Variants in PRKG1 observed in about 807,000 individuals in gnomAD.
PRKG1 encodes cGMP-dependent protein kinase 1.
PRKG1 carries 35 observed loss-of-function variants against 88.1 expected under a neutral mutation model. The ratio of observed to expected loss-of-function variants is 0.40; its 90% CI spans 0.30 to 0.53. PRKG1 has a LOEUF of 0.53. Among genes scored for constraint, PRKG1 ranks in the 20% least tolerant of loss-of-function variants. PRKG1 has a pLI of 0.59. For synonymous variants in PRKG1, 303 were observed against 292.5 expected, an observed-to-expected ratio of 1.04 and a Z score of -0.37; for missense variants, 540 against 839.8, an observed-to-expected ratio of 0.64 and a Z score of 4.41.
At chr10:51,464,354 T>C (rs1839828503) in intron 2 of PRKG1, among the ~76,000 whole-genome samples, 1 of 152,146 alleles carries the variant, frequency 6.6e-6, no homozygotes, top group South Asian at 2.1e-4. Flanking sequence ...CTTTTTTGAC[T>C]GTTGTGAGTA....
chr10:51,610,832 G>A (rs1360455121), intron 3 of PRKG1, among the ~76,000 whole-genome samples: 1 of 152,132 alleles, frequency 6.6e-6, no homozygotes, highest in East Asian at 1.9e-4. Context: ...ATAAGTGGGA[G>A]TTGAACCATG....
intron 3 of PRKG1, among the ~76,000 whole-genome samples, chr10:51,767,048 T>A (rs7894026): frequency 0.37 from 56,159 of 152,002 alleles, 11,074 homozygotes; most frequent in Middle Eastern, 0.5. Flanking sequence ...GTTTTATATT[T>A]ATCTGAAAGT....
At chr10:51,640,512 T>C (rs1839772714) in intron 3 of PRKG1, among the ~76,000 whole-genome samples, 1 of 152,202 alleles carries the variant, frequency 6.6e-6, no homozygotes, top group Non-Finnish European at 1.5e-5. Context: ...TCAGAAAATA[T>C]GTATAAAGGA....
intron 2 of PRKG1, among the ~76,000 whole-genome samples, chr10:51,416,225 A>G (rs992836502): frequency 2.0e-5 from 3 of 152,240 alleles, no homozygotes; most frequent in African/African-American, 7.2e-5. Flanking sequence ...AATTCAATTA[A>G]TAGCAAAATC....
At chr10:52,080,572 G>T (rs535404943) in intron 7 of PRKG1, among the ~76,000 whole-genome samples, 1 of 151,992 alleles carries the variant, frequency 6.6e-6, no homozygotes, top group Admixed American at 6.6e-5. Flanking sequence ...AAACTAGTTC[G>T]GTAAGGGGCT....
At chr10:51,726,943 A>AT (rs369117746) in intron 3 of PRKG1, among the ~76,000 whole-genome samples, 15,784 of 149,846 alleles carry the variant, frequency 0.11, 1,090 homozygotes, top group African/African-American at 0.19. Context: ...CACCCAGCTC[A>AT]TTTTTTTTTG....
chr10:51,194,488 T>G (rs944654431), intron 2 of PRKG1, among the ~76,000 whole-genome samples: 19 of 152,180 alleles, frequency 1.2e-4, no homozygotes, highest in African/African-American at 4.1e-4. Context: ...ATGGGAGTAA[T>G]TATCCTCTGT....
chr10:51,074,532 G>A lies in PRKG1; in HGVS notation c.-59G>A. 5 of 1,561,968 alleles carry A rather than the reference G, an allele frequency of 3.2e-6. No individual in the cohort carries two copies. The South Asian group carries it at 3.7e-5, about 11-fold the overall frequency. Reference sequence around the variant, plus strand: ...TTTGGGGAAAGTTGATCGGAGAGGGGAGGAAGCCTCAAGACGCGGAGCAGC... The same window carrying A: ...TTTGGGGAAAGTTGATCGGAGAGGGAAGGAAGCCTCAAGACGCGGAGCAGC... On this transcript the variant is annotated 5_prime_UTR_variant, in exon 1 of 18. Transcript: ENST00000373980.
intron 10 of PRKG1, among the ~76,000 whole-genome samples, chr10:52,263,793 A>G (rs1015006969): frequency 1.3e-5 from 2 of 151,854 alleles, no homozygotes; most frequent in African/African-American, 4.8e-5. Flanking sequence ...CTGGTCTCCA[A>G]CTTGTGAGCT....
Position 51,886,611 on chromosome 10 carries a change from G to A in PRKG1, c.699-20896G>A, listed in dbSNP as rs186098118. Among the ~76,000 whole-genome samples, 7 of 152,254 alleles carry A rather than the reference G, an allele frequency of 4.6e-5. 1 individual carries two copies. The highest frequency in any genetic ancestry group is 3.4e-3 in the Middle Eastern group (1 of 292). ...TCTGCTTCTATTTGGGTGACTAGAT[G>A]ACTCATATAAGTGGAATCATGAAGT... On this transcript the variant is annotated intron_variant, in intron 4 of 17. Transcript: ENST00000373980.
intron 5 of PRKG1, among the ~76,000 whole-genome samples, chr10:51,924,713 T>G (rs1842534070): frequency 8.2e-6 from 1 of 122,530 alleles, no homozygotes. Context: ...TTCTCGAATA[T>G]TCTTTTTTTT....
At chr10:52,026,751 C>T (rs975433710) in intron 5 of PRKG1, among the ~76,000 whole-genome samples, 2 of 152,068 alleles carry the variant, frequency 1.3e-5, no homozygotes, top group East Asian at 1.9e-4. Flanking sequence ...CCGAGGCACG[C>T]GGATCACCAA....
chr10:52,215,563 T>A (rs1263176935), intron 9 of PRKG1, among the ~76,000 whole-genome samples: 1 of 152,178 alleles, frequency 6.6e-6, no homozygotes, highest in African/African-American at 2.4e-5. Context: ...ATATTTTCTC[T>A]TTTCCCCATG....
chr10:51,444,162 C>T (rs1193179536), intron 2 of PRKG1, among the ~76,000 whole-genome samples: 6 of 150,262 alleles, frequency 4.0e-5, no homozygotes, highest in South Asian at 4.2e-4. Context: ...CTGTATATTA[C>T]AGTAACTAGA....
At chr10:52,228,730 A>G (rs1840455172) in intron 9 of PRKG1, among the ~76,000 whole-genome samples, 1 of 152,192 alleles carries the variant, frequency 6.6e-6, no homozygotes, top group Non-Finnish European at 1.5e-5. Context: ...TTTTTCTGAC[A>G]AGTCTTAGCT....
intron 3 of PRKG1, among the ~76,000 whole-genome samples, chr10:51,689,272 A>C (rs201578386): frequency 1.2e-5 from 1 of 86,400 alleles, no homozygotes; most frequent in Non-Finnish European, 2.3e-5. Context: ...ATCTATCTAT[A>C]TTTCAAAGCA....
intron 2 of PRKG1, among the ~76,000 whole-genome samples, chr10:51,457,688 G>A (rs1234697414): frequency 1.3e-5 from 2 of 152,178 alleles, no homozygotes; most frequent in African/African-American, 2.4e-5. Context: ...GTATCAGCAG[G>A]TCATTCTTTA....
intron 1 of PRKG1, among the ~76,000 whole-genome samples, chr10:50,999,902 G>A (rs746744058): frequency 3.8e-4 from 58 of 152,304 alleles, no homozygotes; most frequent in Non-Finnish European, 6.9e-4. Context: ...TTCCAGCCAA[G>A]TAAAAACCTC....
chr10:51,541,638 C>T (rs565241563), intron 3 of PRKG1, among the ~76,000 whole-genome samples: 18 of 151,808 alleles, frequency 1.2e-4, no homozygotes, highest in Non-Finnish European at 2.5e-4. Flanking sequence ...TTTGATATTG[C>T]ATTATATTGC....
Sources: gnomAD v4.1 joint callset for allele counts (sites outside exome capture counted in the v4.1 genomes callset) on GRCh38, gnomAD v4.1.1 for gene constraint, MANE v1.5 for transcripts, NCBI Gene and HGNC (gene_info 2026-07-23, HGNC 2026-07-21) for gene names.